Variants in ACVR2A observed in about 807,000 individuals in gnomAD.
ACVR2A encodes the protein activin receptor type-2A.
A neutral mutation model predicts 61.4 loss-of-function variants in ACVR2A; 7 were observed. The observed-to-expected ratio is 0.11, with a 90% confidence interval of 0.06 to 0.21. ACVR2A has a LOEUF of 0.21. Ranked by LOEUF, ACVR2A falls within the 10% of genes least tolerant of loss-of-function variation. The pLI is 1.00. For missense variants in ACVR2A, 322 were observed against 621.7 expected (o/e 0.52, Z 5.13); for synonymous variants, 193 against 208.3 (o/e 0.93, Z 0.63).
intron 5 of ACVR2A, 97 bp downstream of exon 5, chr2:147,915,431 G>A: frequency 2.1e-6 from 3 of 1,460,816 alleles, no homozygotes; most frequent in Non-Finnish European, 2.8e-6. Context: ...TATGTACCAA[G>A]GTGGTTCTTT....
At chr2:147,871,324 A>C (rs1222964907) in intron 1 of ACVR2A, among the ~76,000 whole-genome samples, 2 of 152,094 alleles carry the variant, frequency 1.3e-5, no homozygotes. Flanking sequence ...TACTTAAATT[A>C]GTGGTTGAAT....
intron 1 of ACVR2A, among the ~76,000 whole-genome samples, chr2:147,855,284 CAG>C (rs1307890777): frequency 6.6e-6 from 1 of 152,164 alleles, no homozygotes; most frequent in African/African-American, 2.4e-5. Flanking sequence ...GTTTCTGGCA[CAG>C]AGGCGAAGCT....
At chr2:147,845,272 C>T in intron 1 of ACVR2A, 65 bp downstream of exon 1, 3 of 1,499,162 alleles carry the variant, frequency 2.0e-6, no homozygotes, top group Non-Finnish European at 2.7e-6. Context: ...TGCTGGGGGC[C>T]GCGGCTGGTG....
Position 147,930,696 on chromosome 2 carries a change from A to G in ACVR2A, c.*3422A>G, listed in dbSNP as rs1273372289. 6.6e-6 allele frequency: 1 copy of G among 152,466 alleles called. No individual in the cohort carries two copies. Among genetic ancestry groups the G allele is most frequent in the Non-Finnish European group, 1.5e-5 (1 of 67,984 alleles). The allele number at this position is 152,466 out of a possible 1,614,324, so 9.4% of individuals were successfully genotyped here. A position where few individuals can be genotyped will look rare whatever the true frequency, so the allele number is the denominator to read the frequency against. On this transcript the variant is annotated 3_prime_UTR_variant, in exon 11 of 11. Coordinates refer to ENST00000241416, the MANE Select transcript of ACVR2A (RefSeq NM_001616.5). ...AATCGTACTTGCTATTTTTTCTGCA[A>G]GTATTTAACAGAAAGCTTAAAATCC...
In ACVR2A at chr2:147,929,940, T is replaced by G. The variant is rs1312202716; in HGVS notation, c.*2666T>G. ...CGTAAGGAATGCTTTATGATCAACT[T>G]GCCATAGGACTGATGGATTAACCAG... On this transcript the variant is annotated 3_prime_UTR_variant, in exon 11 of 11. Transcript: ENST00000241416. The G allele has an allele frequency of 1.3e-5, 2 of 152,518 alleles. No homozygotes were observed. Among genetic ancestry groups the G allele is most frequent in the African/African-American group, 4.8e-5 (2 of 41,420 alleles). The allele number at this position is 152,518 out of a possible 1,614,324, so 9.4% of individuals were successfully genotyped here. A position where few individuals can be genotyped will look rare whatever the true frequency, so the allele number is the denominator to read the frequency against.
intron 4 of ACVR2A, among the ~76,000 whole-genome samples, chr2:147,912,786 A>G (rs1487439510): frequency 6.6e-6 from 1 of 151,960 alleles, no homozygotes; most frequent in Admixed American, 6.6e-5. Context: ...ATATTATTTA[A>G]AATTCCATTT....
intron 1 of ACVR2A, among the ~76,000 whole-genome samples, chr2:147,851,557 T>A (rs1043903878): frequency 6.6e-6 from 1 of 152,144 alleles, no homozygotes; most frequent in Non-Finnish European, 1.5e-5. Flanking sequence ...GTATGGTGCC[T>A]TTGTACATAT....
At chr2:147,876,722 G>T (rs944055068) in intron 1 of ACVR2A, among the ~76,000 whole-genome samples, 1 of 152,098 alleles carries the variant, frequency 6.6e-6, no homozygotes, top group African/African-American at 2.4e-5. Flanking sequence ...AGAAATTGGA[G>T]CAGGTGGATG....
upstream of ACVR2A, chr2:147,844,991 C>A: frequency 3.8e-5 from 11 of 288,534 alleles, no homozygotes; most frequent in East Asian, 1.8e-4. Flanking sequence ...TTTTTTTAAC[C>A]CAGTGAGCGT....
At chr2:147,888,398 C>T (rs1348092113) in intron 1 of ACVR2A, among the ~76,000 whole-genome samples, 2 of 152,166 alleles carry the variant, frequency 1.3e-5, no homozygotes, top group Non-Finnish European at 2.9e-5. Context: ...GTTCAATCTT[C>T]CAATCCATGA....
chr2:147,859,017 C>T (rs968496021), intron 1 of ACVR2A, among the ~76,000 whole-genome samples: 2 of 152,134 alleles, frequency 1.3e-5, no homozygotes, highest in African/African-American at 4.8e-5. Context: ...ATCCCTCCCC[C>T]ACCTTAGAAA....
intron 1 of ACVR2A, among the ~76,000 whole-genome samples, chr2:147,856,492 A>G (rs183653918): frequency 4.5e-4 from 69 of 152,286 alleles, no homozygotes; most frequent in African/African-American, 1.6e-3. Context: ...AAATAGTTCT[A>G]GAAGAAGAAC....
At chr2:147,909,865 C>G (rs1432988770) in intron 4 of ACVR2A, among the ~76,000 whole-genome samples, 1 of 152,016 alleles carries the variant, frequency 6.6e-6, no homozygotes, top group African/African-American at 2.4e-5. Context: ...TGGTCTCGAA[C>G]TCCTGAGCTC....
At chr2:147,855,843 A>G (rs907005788) in intron 1 of ACVR2A, among the ~76,000 whole-genome samples, 1 of 152,112 alleles carries the variant, frequency 6.6e-6, no homozygotes, top group Non-Finnish European at 1.5e-5. Flanking sequence ...GCTAATTTAT[A>G]TATATTCTTA....
intron 1 of ACVR2A, among the ~76,000 whole-genome samples, chr2:147,846,164 G>A (rs1028818905): frequency 6.6e-6 from 1 of 152,248 alleles, no homozygotes; most frequent in East Asian, 1.9e-4. Context: ...GTGTGCAGAT[G>A]TACATAACAG....
rs934072308 is a variant in ACVR2A, at chr2:147,927,802, A to G, written c.*528A>G. 2.6e-5 allele frequency: 4 copies of G among 152,486 alleles called. No individual in the cohort carries two copies. Among genetic ancestry groups the G allele is most frequent in the African/African-American group, 9.7e-5 (4 of 41,410 alleles). The allele number at this position is 152,486 out of a possible 1,614,324, so 9.4% of individuals were successfully genotyped here. A position where few individuals can be genotyped will look rare whatever the true frequency, so the allele number is the denominator to read the frequency against. The stretch of plus-strand genomic sequence containing the variant: ...GCTGCTGTTCTGTGTACATAAAGTC[A>G]TCAAAGTGGGGTACAGTAAAGAGGC... On this transcript the variant is annotated 3_prime_UTR_variant, in exon 11 of 11. Coordinates refer to ENST00000241416, the MANE Select transcript of ACVR2A (RefSeq NM_001616.5).
intron 4 of ACVR2A, among the ~76,000 whole-genome samples, chr2:147,910,186 T>A (rs1163386867): frequency 2.6e-5 from 4 of 152,166 alleles, no homozygotes; most frequent in Admixed American, 2.0e-4. Flanking sequence ...CAGTTTGGGT[T>A]ATTTTATAGC....
At chr2:147,916,847 A>G (rs1687259407) in intron 5 of ACVR2A, among the ~76,000 whole-genome samples, 1 of 151,880 alleles carries the variant, frequency 6.6e-6, no homozygotes, top group Non-Finnish European at 1.5e-5. Context: ...GATGTTTGAT[A>G]TTATGTTAGT....
intron 2 of ACVR2A, 125 bp from the exon 3 acceptor site, chr2:147,899,333 T>C (rs1425325793): frequency 6.3e-6 from 4 of 633,136 alleles, no homozygotes; most frequent in African/African-American, 1.9e-5. Context: ...TTATTAGATA[T>C]AAATACGAAT....
Sources: allele counts gnomAD v4.1 joint callset (sites outside exome capture counted in the v4.1 genomes callset), GRCh38; gene constraint gnomAD v4.1.1; transcripts MANE v1.5; gene names NCBI Gene and HGNC (gene_info 2026-07-23, HGNC 2026-07-21).